The following CABLES1 variants were observed in gnomAD, a reference collection of about 807,000 sequenced individuals.
CABLES1 encodes the protein Cdk5 and Abl enzyme substrate 1, also known as CDK5 and ABL1 enzyme substrate 1.
In CABLES1, 36 loss-of-function variants were observed where a neutral mutation model predicts 57.8. The ratio of observed to expected loss-of-function variants is 0.62; its 90% confidence interval spans 0.48 to 0.82. The LOEUF (loss-of-function observed/expected upper bound fraction) is 0.82, where lower values mean the gene tolerates loss of function less well. Among genes scored for constraint, CABLES1 ranks in the 40% least tolerant of loss-of-function variants. The pLI, the probability that CABLES1 is intolerant of heterozygous loss-of-function variation, is 0.00. For synonymous variants in CABLES1, 374 were observed against 363.0 expected (o/e 1.03, Z -0.35); for missense variants, 767 against 836.6 (o/e 0.92, Z 1.03).
At chr18:23,233,569 C>T (rs895740605) in intron 4 of CABLES1, among the ~76,000 whole-genome samples, 1 of 152,152 alleles carries the variant, frequency 6.6e-6, no homozygotes, top group Admixed American at 6.5e-5. Context: ...CTTGTTTGGC[C>T]AGGCATGGTA....
chr18:23,211,472 C>T (rs1193361231), intron 3 of CABLES1, among the ~76,000 whole-genome samples: 1 of 152,190 alleles, frequency 6.6e-6, no homozygotes, highest in African/African-American at 2.4e-5. Context: ...GCTCCAGCAG[C>T]TCCAAGGTCA....
At chr18:23,147,778 T>C (rs2046900723) in intron 1 of CABLES1, among the ~76,000 whole-genome samples, 1 of 152,152 alleles carries the variant, frequency 6.6e-6, no homozygotes. Flanking sequence ...AATGAGGCTG[T>C]GAGGTGAAGA....
chr18:23,244,632 G>C (rs914027211), intron 7 of CABLES1, among the ~76,000 whole-genome samples: 5 of 152,234 alleles, frequency 3.3e-5, no homozygotes, highest in Admixed American at 6.5e-5. Flanking sequence ...AGCTGAGCCC[G>C]AATGCCGGTA....
intron 1 of CABLES1, among the ~76,000 whole-genome samples, chr18:23,139,137 C>T (rs774143398): frequency 6.6e-6 from 1 of 151,976 alleles, no homozygotes. Context: ...GGTGGTGGCT[C>T]ACGGCTATAA....
At chr18:23,143,584 T>G (rs1026346927) in intron 1 of CABLES1, among the ~76,000 whole-genome samples, 1 of 152,226 alleles carries the variant, frequency 6.6e-6, no homozygotes, top group African/African-American at 2.4e-5. Context: ...AGTCTTGCCT[T>G]TGGCTGCCTT....
In CABLES1 at chr18:23,258,837, T is replaced by TGACA. The variant is rs2048229547; in HGVS notation, c.*1472_*1475dup. On this transcript the variant is annotated 3_prime_UTR_variant, in exon 10 of 10. Transcript: ENST00000256925. Reference sequence around the variant, plus strand: ...TTCGTTAGCAGAGCTGTCAGATTCTTGACAGTCTTGGAGGATGGAGAAATT... The same window carrying TGACA: ...TTCGTTAGCAGAGCTGTCAGATTCTTGACAGACAGTCTTGGAGGATGGAGAAATT... 1.3e-5 allele frequency: 2 copies of TGACA among 152,098 alleles called. No individual in the cohort carries two copies. The highest frequency in any genetic ancestry group is 4.8e-5 in the African/African-American group (2 of 41,420). 9.4% of individuals were successfully genotyped at this position (152,098 alleles called of 1,614,324 possible). A position where few individuals can be genotyped will look rare whatever the true frequency, so the allele number is the denominator to read the frequency against.
chr18:23,223,102 C>T (rs2047501286), intron 4 of CABLES1, among the ~76,000 whole-genome samples: 1 of 152,210 alleles, frequency 6.6e-6, no homozygotes, highest in Non-Finnish European at 1.5e-5. Flanking sequence ...GTCACACTGG[C>T]TTCTGCAGTC....
chr18:23,188,825 CTTCT>C lies in CABLES1; in HGVS notation c.846-8_846-5del, dbSNP rs759958632. 108 of 1,611,118 alleles carry C rather than the reference CTTCT, an allele frequency of 6.7e-5. No homozygotes were observed. The highest frequency in any genetic ancestry group is 8.9e-5 in the Non-Finnish European group (105 of 1,177,524). ...GCAGTTTTAACTCCCAGATTTTTTCCTTCTTTCTGCAGACGGCGCCTCATCTCCC... is the reference window on the plus strand; with the variant it reads ...GCAGTTTTAACTCCCAGATTTTTTCCTTCTGCAGACGGCGCCTCATCTCCC... On this transcript the variant is annotated splice_polypyrimidine_tract_variant and intron_variant, in intron 1 of 9. Coordinates refer to ENST00000256925, the MANE Select transcript of CABLES1 (RefSeq NM_001100619.3).
Position 23,258,155 on chromosome 18 carries a change from G to C in CABLES1, c.*788G>C, listed in dbSNP as rs527441460. 1.3e-5 allele frequency: 2 copies of C among 152,440 alleles called. No homozygotes were observed. The highest frequency in any genetic ancestry group is 2.9e-5 in the Non-Finnish European group (2 of 68,054). The allele number at this position is 152,440 out of a possible 1,614,324, so 9.4% of individuals were successfully genotyped here. A position where few individuals can be genotyped will look rare whatever the true frequency, so the allele number is the denominator to read the frequency against. On this transcript the variant is annotated 3_prime_UTR_variant, in exon 10 of 10. Coordinates refer to ENST00000256925, the MANE Select transcript of CABLES1 (RefSeq NM_001100619.3). Reference sequence around the variant, plus strand: ...GGATGAGTCAGTCGCGTGGAAGGACGTGGAGCGTGGCGCTCTGTAACTTCC... The same window carrying C: ...GGATGAGTCAGTCGCGTGGAAGGACCTGGAGCGTGGCGCTCTGTAACTTCC...
intron 3 of CABLES1, chr18:23,197,355 G>A (rs1277415443): frequency 1.3e-5 from 2 of 152,222 alleles, no homozygotes; most frequent in Non-Finnish European, 2.9e-5. Context: ...AAGTGGAAGT[G>A]AACGCCTTCC....
chr18:23,234,669 G>C lies in CABLES1; in HGVS notation c.1150G>C (p.Gly384Arg). The C allele has an allele frequency of 6.2e-7, 1 of 1,613,816 alleles. No homozygotes were observed. The highest frequency in any genetic ancestry group is 1.1e-5 in the South Asian group (1 of 91,050). ...TGCAGTGAGTTTGAAAGAGATCATT[G>C]GTCTGGAAGGTGTGGAGCTGGGTGC... The part of the protein sequence containing the change: ...TGAVSLKEII[G>R]LEGVELGADG... The change falls in exon 5 of 10, where the codon GGT becomes CGT. Residue 384 changes from glycine to arginine, a missense_variant. Transcript: ENST00000256925.
At chr18:23,193,349 G>A (rs561112382) in intron 2 of CABLES1, among the ~76,000 whole-genome samples, 88 of 152,160 alleles carry the variant, frequency 5.8e-4, no homozygotes, top group Admixed American at 1.2e-3. Context: ...CTGCCACCGC[G>A]CCAGGCTGAT....
rs754997304 is a variant in CABLES1, at chr18:23,136,527, G to A, written c.765G>A (p.Pro255=). The change falls in exon 1 of 10, where the codon CCG becomes CCA. Residue 255 remains proline (P), a synonymous_variant. Coordinates refer to ENST00000256925, the MANE Select transcript of CABLES1 (RefSeq NM_001100619.3). The part of the protein sequence containing the change: ...QGILPIAFSR[P]TSQNYCSLEQ... ...TCCTGCCCATCGCCTTCTCCAGGCC[G>A]ACTTCGCAGAACTACTGCTCCCTGG... The A allele has an allele frequency of 3.1e-6, 5 of 1,587,476 alleles. No homozygotes were observed. In the South Asian group the frequency reaches 4.5e-5, roughly 14 times the overall value.
intron 1 of CABLES1, among the ~76,000 whole-genome samples, chr18:23,178,095 C>A (rs1306459079): frequency 6.6e-6 from 1 of 152,198 alleles, no homozygotes; most frequent in Non-Finnish European, 1.5e-5. Flanking sequence ...CCACCCATAT[C>A]CTGTCCTGGC....
chr18:23,211,722 A>T (rs1399336523), intron 3 of CABLES1, among the ~76,000 whole-genome samples: 4 of 152,256 alleles, frequency 2.6e-5, no homozygotes, highest in African/African-American at 9.6e-5. Flanking sequence ...CTGCTGGTGC[A>T]TCTCCTTTGG....
chr18:23,245,979 TGGTCCCGGCC>T (rs776428596), intron 7 of CABLES1, among the ~76,000 whole-genome samples: 3 of 152,142 alleles, frequency 2.0e-5, no homozygotes, highest in Non-Finnish European at 4.4e-5. Flanking sequence ...TTGAAAACAG[TGGTCCCGGCC>T]GGGCACGGTG....
chr18:23,136,255 G>A lies in CABLES1; in HGVS notation c.493G>A (p.Gly165Arg), dbSNP rs1666911549. The A allele has an allele frequency of 3.0e-5, 39 of 1,321,752 alleles. No homozygotes were observed. Among genetic ancestry groups the A allele is most frequent in the Non-Finnish European group, 3.6e-5 (37 of 1,041,800 alleles). The allele number at this position is 1,321,752 out of a possible 1,614,324, so 81.9% of individuals were successfully genotyped here. A position where few individuals can be genotyped will look rare whatever the true frequency, so the allele number is the denominator to read the frequency against. Residue 165 changes from glycine (G) to arginine (R), a missense_variant, in exon 1 of 10, where the codon GGG becomes AGG. Coordinates refer to ENST00000256925, the MANE Select transcript of CABLES1 (RefSeq NM_001100619.3). ...ATVSGPGVAR[G>R]FASPLGAGRA... ...CGTGTCCGGCCCCGGGGTGGCGCGGGGGTTCGCGAGTCCCCTGGGCGCCGG... is the reference window on the plus strand; with the variant it reads ...CGTGTCCGGCCCCGGGGTGGCGCGGAGGTTCGCGAGTCCCCTGGGCGCCGG...
At chr18:23,191,164 T>A (rs1466913028) in intron 2 of CABLES1, among the ~76,000 whole-genome samples, 1 of 151,652 alleles carries the variant, frequency 6.6e-6, no homozygotes, top group Non-Finnish European at 1.5e-5. Flanking sequence ...GGCGACAGGA[T>A]CGCTTGAACC....
chr18:23,254,407 C>A (rs1178728410), intron 9 of CABLES1, among the ~76,000 whole-genome samples: 1 of 152,180 alleles, frequency 6.6e-6, no homozygotes, highest in South Asian at 2.1e-4. Context: ...AAGGAAACAT[C>A]GATCTCCTTG....
Sources: gnomAD v4.1 joint callset for allele counts (sites outside exome capture counted in the v4.1 genomes callset) on GRCh38, gnomAD v4.1.1 for gene constraint, MANE v1.5 for transcripts, NCBI Gene and HGNC (gene_info 2026-07-23, HGNC 2026-07-21) for gene names.